Variants in CCDC7 observed in about 807,000 individuals in gnomAD.
CCDC7 encodes the protein coiled-coil domain containing 7.
CCDC7 carries 183 observed loss-of-function variants against 196.9 expected under a neutral mutation model. The observed-to-expected ratio is 0.93, with a 90% CI of 0.82 to 1.05. The LOEUF (loss-of-function observed/expected upper bound fraction) is 1.05. Among genes scored for constraint, CCDC7 ranks in the 50% least tolerant of loss-of-function variants. The pLI is 0.00. For synonymous variants in CCDC7, 525 were observed against 484.6 expected (o/e 1.08, Z -1.10); for missense variants, 1,540 against 1,482.2 (o/e 1.04, Z -0.64).
chr10:32,590,688 A>C (rs1263563476), intron 18 of CCDC7, among the ~76,000 whole-genome samples: 1 of 152,152 alleles, frequency 6.6e-6, no homozygotes, highest in Non-Finnish European at 1.5e-5. Flanking sequence ...AAAATCCCTC[A>C]GCTTTTGTTT....
chr10:32,511,704 C>G, intron 9 of CCDC7: 1 of 1,582,132 alleles, frequency 6.3e-7, no homozygotes, highest in East Asian at 2.2e-5. Flanking sequence ...TCGTGAATTT[C>G]TACTGGATAG....
chr10:32,665,320 A>C (rs1019316389), intron 21 of CCDC7, among the ~76,000 whole-genome samples: 1 of 151,840 alleles, frequency 6.6e-6, no homozygotes, highest in African/African-American at 2.4e-5. Flanking sequence ...GTTTGGTTTA[A>C]TACCATTTAC....
At chr10:32,635,854 C>G (rs946875119) in intron 20 of CCDC7, among the ~76,000 whole-genome samples, 2 of 151,768 alleles carry the variant, frequency 1.3e-5, no homozygotes, top group African/African-American at 4.8e-5. Flanking sequence ...TTAATTAGCT[C>G]TCCTAAACAC....
intron 25 of CCDC7, among the ~76,000 whole-genome samples, chr10:32,724,051 C>T (rs1292968172): frequency 1.3e-5 from 2 of 151,990 alleles, no homozygotes; most frequent in African/African-American, 4.8e-5. Flanking sequence ...CAAGCAAGCT[C>T]AGCTAGGGAA....
downstream of CCDC7, among the ~76,000 whole-genome samples, chr10:32,878,534 A>G (rs2094674416): frequency 6.6e-6 from 1 of 152,064 alleles, no homozygotes; most frequent in Non-Finnish European, 1.5e-5. Context: ...GTTTTAACCA[A>G]TGACTCTAAT....
intron 6 of CCDC7, among the ~76,000 whole-genome samples, chr10:32,471,798 G>C (rs2038011964): frequency 6.6e-6 from 1 of 152,090 alleles, no homozygotes. Context: ...AGTTACTTTA[G>C]TGATATCTCT....
At chr10:32,601,063 A>G (rs977058089) in intron 18 of CCDC7, among the ~76,000 whole-genome samples, 1 of 152,028 alleles carries the variant, frequency 6.6e-6, no homozygotes, top group Non-Finnish European at 1.5e-5. Flanking sequence ...GTTTCTGATG[A>G]GAAATTGGTA....
At chr10:32,703,788 T>C (rs1177793250) in intron 24 of CCDC7, among the ~76,000 whole-genome samples, 2 of 152,142 alleles carry the variant, frequency 1.3e-5, no homozygotes, top group Non-Finnish European at 2.9e-5. Flanking sequence ...CTGATACCCT[T>C]TCTTCCAGTT....
At chr10:32,456,171 A>G in intron 2 of CCDC7, 80 bp from the exon 4 acceptor site, 1 of 1,303,010 alleles carries the variant, frequency 7.7e-7, no homozygotes, top group East Asian at 2.8e-5. Flanking sequence ...AATTTTTCAA[A>G]AAGTAAATAT....
chr10:32,735,424 ATGTAGTGGCATCTCAT>A (rs1260435894), intron 28 of CCDC7, among the ~76,000 whole-genome samples: 4 of 152,144 alleles, frequency 2.6e-5, no homozygotes, highest in Non-Finnish European at 5.9e-5. Context: ...TGGCATCTCA[ATGTAGTGGCATCTCAT>A]TGTTGATTTA....
chr10:32,842,207 A>G (rs1181329755), intron 33 of CCDC7, among the ~76,000 whole-genome samples: 1 of 152,074 alleles, frequency 6.6e-6, no homozygotes, highest in East Asian at 1.9e-4. Context: ...TATATCCGAC[A>G]AAAGACTAAT....
chr10:32,680,628 T>A (rs2075728022), intron 21 of CCDC7, among the ~76,000 whole-genome samples: 2 of 147,288 alleles, frequency 1.4e-5, no homozygotes, highest in Non-Finnish European at 3.0e-5. Context: ...ACACATATTT[T>A]CTTATCTGGG....
At chr10:32,549,159 A>ATCAT (rs2053039181) in intron 13 of CCDC7, among the ~76,000 whole-genome samples, 2 of 152,140 alleles carry the variant, frequency 1.3e-5, no homozygotes, top group Non-Finnish European at 2.9e-5. Context: ...TTCCCTGATC[A>ATCAT]TTCATGATGT....
At chr10:32,556,072 T>G (rs1216651021) in intron 13 of CCDC7, among the ~76,000 whole-genome samples, 1 of 152,178 alleles carries the variant, frequency 6.6e-6, no homozygotes, top group Non-Finnish European at 1.5e-5. Flanking sequence ...CCAACAAGAA[T>G]TAGGCCAACT....
chr10:32,759,127 A>C lies in CCDC7; in HGVS notation c.2906-19850A>C, dbSNP rs546197162. ...ACAAATGGAAGAACATTCCATGCTC[A>C]TGGATAGGAAGAATCAATATTGTGA... On this transcript the variant is annotated intron_variant, in intron 28 of 41. Coordinates refer to ENST00000639629, the Ensembl canonical transcript of CCDC7. 5.9e-5 allele frequency among the ~76,000 whole-genome samples: 9 copies of C among 152,350 alleles called. No individual in the cohort carries two copies. In the South Asian group the frequency reaches 1.9e-3, roughly 32 times the overall value.
chr10:32,693,558 C>T (rs576946067), intron 23 of CCDC7, among the ~76,000 whole-genome samples: 6 of 151,918 alleles, frequency 3.9e-5, no homozygotes, highest in Non-Finnish European at 8.8e-5. Flanking sequence ...TTGTTTGTAC[C>T]ACATTATTTA....
chr10:32,561,485 G>A (rs2055617563), intron 13 of CCDC7, among the ~76,000 whole-genome samples: 1 of 152,262 alleles, frequency 6.6e-6, no homozygotes, highest in South Asian at 2.1e-4. Flanking sequence ...TAGAACTCAG[G>A]ATTAACAAAC....
chr10:32,645,612 A>T (rs897375325), intron 20 of CCDC7, among the ~76,000 whole-genome samples: 3 of 147,536 alleles, frequency 2.0e-5, no homozygotes, highest in East Asian at 2.0e-4. Flanking sequence ...TAGAACTGGC[A>T]TTAGTTCTTC....
chr10:32,824,700 A>G, intron 32 of CCDC7, 96 bp downstream of exon 33: 4 of 694,762 alleles, frequency 5.8e-6, no homozygotes, highest in Non-Finnish European at 7.2e-6. Context: ...ATATGTAATT[A>G]TCACGTGAGA....
Sources: gnomAD v4.1 joint callset for allele counts (sites outside exome capture counted in the v4.1 genomes callset) on GRCh38, gnomAD v4.1.1 for gene constraint, MANE v1.5 for transcripts, NCBI Gene and HGNC (gene_info 2026-07-23, HGNC 2026-07-21) for gene names.